DDC: variants seen among roughly 807,000 people sequenced by gnomAD.
DDC encodes the protein dopa decarboxylase.
In DDC, 43 loss-of-function variants were observed where a neutral mutation model predicts 60.0. That is an observed-to-expected ratio of 0.72 (90% CI 0.56 to 0.92). The LOEUF (loss-of-function observed/expected upper bound fraction) is 0.92. Among genes scored for constraint, DDC ranks in the 40% least tolerant of loss-of-function variants. The probability of loss-of-function intolerance (pLI) is 0.00; values close to 1 mark genes in which losing one functional copy is unlikely to be tolerated. For missense variants in DDC, 573 were observed against 620.2 expected (o/e 0.92, Z 0.81); for synonymous variants, 232 against 234.6 (o/e 0.99, Z 0.10).
At chr7:50,468,912 T>C (rs1428437354) in intron 12 of DDC, among the ~76,000 whole-genome samples, 1 of 150,414 alleles carries the variant, frequency 6.6e-6, no homozygotes, top group Non-Finnish European at 1.5e-5. Context: ...CAGGCTCATA[T>C]TCAGGACTCA....
intron 9 of DDC, chr7:50,492,939 C>T: frequency 6.3e-7 from 1 of 1,598,088 alleles, no homozygotes; most frequent in African/African-American, 1.3e-5. Context: ...AGGCTCAACT[C>T]CTTCTCACCA....
At chr7:50,493,615 A>AAC (rs1198640533) in intron 9 of DDC, among the ~76,000 whole-genome samples, 12 of 152,164 alleles carry the variant, frequency 7.9e-5, no homozygotes, top group Admixed American at 7.9e-4. Flanking sequence ...GAAACAGAAA[A>AAC]ACACAACCAC....
At chr7:50,519,151 TC>T (rs2043819061) in intron 6 of DDC, among the ~76,000 whole-genome samples, 5 of 152,044 alleles carry the variant, frequency 3.3e-5, no homozygotes, top group African/African-American at 1.2e-4. Flanking sequence ...ATGCTCAACA[TC>T]ACTAATAATC....
chr7:50,530,714 T>A (rs1186742921), intron 4 of DDC, among the ~76,000 whole-genome samples: 5 of 152,128 alleles, frequency 3.3e-5, no homozygotes, highest in Non-Finnish European at 5.9e-5. Context: ...GCACCTTCCC[T>A]CTTAAGTAAG....
intron 6 of DDC, among the ~76,000 whole-genome samples, chr7:50,515,715 C>T (rs563094285): frequency 5.3e-5 from 8 of 152,178 alleles, no homozygotes; most frequent in Non-Finnish European, 1.2e-4. Context: ...CTCACATAAA[C>T]TTAAGGGGTG....
At chr7:50,551,254 G>A (rs2044983096) in intron 1 of DDC, among the ~76,000 whole-genome samples, 1 of 143,812 alleles carries the variant, frequency 7.0e-6, no homozygotes, top group Non-Finnish European at 1.5e-5. Flanking sequence ...TTTTTGAGAC[G>A]GGGCCTCACT....
In DDC at chr7:50,463,219, C is replaced by G; in HGVS notation, c.*12G>C. The stretch of plus-strand genomic sequence containing the variant: ...TGAGCCCAGGGCAGCCTACCTGCAG[C>G]TGGCTTCACTCCTACTCCCTCTCTG... On this transcript the variant is annotated 3_prime_UTR_variant, in exon 14 of 15. Coordinates refer to ENST00000444124, the MANE Select transcript of DDC (RefSeq NM_001082971.2). The G allele has an allele frequency of 6.2e-7, 1 of 1,602,952 alleles. No homozygotes were observed.
intron 4 of DDC, among the ~76,000 whole-genome samples, chr7:50,535,168 T>A (rs1445592399): frequency 6.6e-6 from 1 of 152,090 alleles, no homozygotes; most frequent in East Asian, 1.9e-4. Context: ...TTCTTTTTTT[T>A]TTTTCTTGAT....
intron 9 of DDC, among the ~76,000 whole-genome samples, chr7:50,492,176 G>T (rs2043010603): frequency 6.6e-6 from 1 of 152,216 alleles, no homozygotes. Flanking sequence ...CTCTAGGACT[G>T]AGATAAATCA....
chr7:50,518,254 A>G (rs957441790), intron 6 of DDC, among the ~76,000 whole-genome samples: 4 of 151,826 alleles, frequency 2.6e-5, no homozygotes, highest in African/African-American at 9.7e-5. Context: ...AAACAAATGG[A>G]AACACATTCC....
intron 14 of DDC, among the ~76,000 whole-genome samples, chr7:50,459,942 C>T (rs1220237395): frequency 6.9e-6 from 1 of 144,270 alleles, no homozygotes; most frequent in African/African-American, 2.7e-5. Context: ...GGGGGTCAGC[C>T]CCCTGCCCGG....
intron 1 of DDC, among the ~76,000 whole-genome samples, chr7:50,557,131 A>G (rs186532363): frequency 1.3e-5 from 2 of 152,246 alleles, no homozygotes; most frequent in African/African-American, 2.4e-5. Context: ...TTCTACAACA[A>G]ACAAAGATCA....
chr7:50,492,753 A>T, intron 9 of DDC: 2 of 1,432,350 alleles, frequency 1.4e-6, no homozygotes, highest in Non-Finnish European at 1.8e-6. Flanking sequence ...TCCCTACATC[A>T]CCTCCACTTT....
intron 6 of DDC, among the ~76,000 whole-genome samples, chr7:50,514,522 T>C (rs932047021): frequency 2.0e-5 from 3 of 152,212 alleles, no homozygotes; most frequent in Non-Finnish European, 4.4e-5. Context: ...AGGTTAGTTA[T>C]TAAGCTAATC....
chr7:50,495,240 G>A (rs2043102441), intron 9 of DDC, 110 bp downstream of exon 9: 2 of 792,000 alleles, frequency 2.5e-6, no homozygotes, highest in South Asian at 2.8e-5. Context: ...AAGGCAGCAA[G>A]CAGTGAGCTA....
intron 10 of DDC, among the ~76,000 whole-genome samples, chr7:50,477,889 A>C (rs2042681717): frequency 6.6e-6 from 1 of 152,200 alleles, no homozygotes; most frequent in South Asian, 2.1e-4. Context: ...AACAGAGTGC[A>C]TGCAGAAAGC....
At chr7:50,509,761 A>G (rs1160951499) in intron 6 of DDC, among the ~76,000 whole-genome samples, 3 of 152,226 alleles carry the variant, frequency 2.0e-5, no homozygotes, top group African/African-American at 7.2e-5. Context: ...CTATTTTAAC[A>G]TGACTTTTAT....
intron 9 of DDC, chr7:50,492,957 G>A: frequency 6.3e-7 from 1 of 1,598,292 alleles, no homozygotes; most frequent in African/African-American, 1.3e-5. Flanking sequence ...CCACCGCACT[G>A]ACTAAGCAGG....
At chr7:50,463,128 G>A in intron 14 of DDC, 85 bp downstream of exon 14, 3 of 1,075,958 alleles carry the variant, frequency 2.8e-6, no homozygotes, top group Non-Finnish European at 4.1e-6. Context: ...GGCCGGGCTG[G>A]GCCTGTAGCT....
Sources: gnomAD v4.1 joint callset for allele counts (sites outside exome capture counted in the v4.1 genomes callset) on GRCh38, gnomAD v4.1.1 for gene constraint, MANE v1.5 for transcripts, NCBI Gene and HGNC (gene_info 2026-07-23, HGNC 2026-07-21) for gene names.